Variants in HTR2C observed in about 807,000 individuals in gnomAD.
HTR2C encodes the protein 5-hydroxytryptamine receptor 2C, also known as 5-hydroxytryptamine (serotonin) receptor 2C, G protein-coupled.
HTR2C carries 5 observed loss-of-function variants against 21.0 expected under a neutral mutation model. The observed-to-expected ratio is 0.24, with a 90% confidence interval of 0.12 to 0.50. The LOEUF is 0.50. HTR2C is among the 20% of genes least tolerant of loss of function. HTR2C has a pLI of 0.98. For synonymous variants in HTR2C, 150 were observed against 145.3 expected, an observed-to-expected ratio of 1.03 and a Z score of -0.23; for missense variants, 271 against 371.2, an observed-to-expected ratio of 0.73 and a Z score of 2.22.
intron 4 of HTR2C, among the ~76,000 whole-genome samples, chrX:114,751,886 A>G (rs1232279710): frequency 2.7e-5 from 3 of 111,817 alleles, no homozygotes; most frequent in African/African-American, 9.8e-5. Flanking sequence ...AAATTTCTGG[A>G]AAGATCTGCT....
intron 4 of HTR2C, among the ~76,000 whole-genome samples, chrX:114,735,754 C>T (rs1198865053): frequency 8.9e-6 from 1 of 111,771 alleles, no homozygotes; most frequent in African/African-American, 3.2e-5. Flanking sequence ...AAAATACACA[C>T]GTTCTTAAAC....
At chrX:114,613,584 C>T (rs974904818) in intron 1 of HTR2C, among the ~76,000 whole-genome samples, 1 of 111,784 alleles carries the variant, frequency 8.9e-6, no homozygotes. Flanking sequence ...TTTTACCCAG[C>T]CTCTATTCAC....
intron 4 of HTR2C, among the ~76,000 whole-genome samples, chrX:114,822,097 T>C (rs1182117484): frequency 9.0e-6 from 1 of 110,885 alleles, no homozygotes; most frequent in East Asian, 2.8e-4. Context: ...TCCACCCACT[T>C]TGGCCTCCTA....
chrX:114,874,577 C>T (rs1191067752), intron 5 of HTR2C, among the ~76,000 whole-genome samples: 2 of 110,027 alleles, frequency 1.8e-5, no homozygotes, highest in African/African-American at 6.6e-5. Flanking sequence ...GGCACGATCT[C>T]GGCTCACTGC....
At chrX:114,710,956 T>C (rs1484623857) in intron 2 of HTR2C, among the ~76,000 whole-genome samples, 1 of 111,854 alleles carries the variant, frequency 8.9e-6, no homozygotes, top group Non-Finnish European at 1.9e-5. Flanking sequence ...TCCCAATTTT[T>C]GGCAAGTTAC....
At chrX:114,857,904 G>C (rs2070975954) in intron 5 of HTR2C, among the ~76,000 whole-genome samples, 1 of 111,002 alleles carries the variant, frequency 9.0e-6, no homozygotes, top group South Asian at 3.8e-4. Context: ...GCGAGCTAGA[G>C]ATTGAATTTT....
chrX:114,850,495 A>G (rs2070908384), intron 5 of HTR2C, among the ~76,000 whole-genome samples: 1 of 111,316 alleles, frequency 9.0e-6, no homozygotes, highest in African/African-American at 3.3e-5. Flanking sequence ...AATTTACAGA[A>G]GATTATTATA....
rs782180699 is a variant in HTR2C at position 114,788,671 on chromosome X, A to G, written c.349+57064A>G. On this transcript the variant is annotated intron_variant, in intron 4 of 5. Coordinates refer to ENST00000276198, the MANE Select transcript of HTR2C (RefSeq NM_000868.4). ...AAAGTCAGGGACATTTTTTTCAGAC[A>G]GTATCTTGCTCTGTTGTCCAAGATG... is the stretch of plus-strand genomic sequence containing the variant. Among the ~76,000 whole-genome samples the G allele has an allele frequency of 1.1e-4, 12 of 111,346 alleles. No individual in the cohort carries two copies. In the South Asian group the frequency reaches 1.5e-3, roughly 14 times the overall value.
At chrX:114,772,867 C>A (rs1254583736) in intron 4 of HTR2C, among the ~76,000 whole-genome samples, 1 of 111,550 alleles carries the variant, frequency 9.0e-6, no homozygotes, top group African/African-American at 3.3e-5. Context: ...TTTCACCATT[C>A]TGCATTTTTA....
chrX:114,638,651 A>C (rs1286677743), intron 2 of HTR2C, among the ~76,000 whole-genome samples: 3 of 100,128 alleles, frequency 3.0e-5, no homozygotes, highest in Admixed American at 1.1e-4. Context: ...CATTAGGTAT[A>C]TCTCCCAATG....
At chrX:114,727,234 C>T (rs1302691470) in intron 3 of HTR2C, among the ~76,000 whole-genome samples, 1 of 112,103 alleles carries the variant, frequency 8.9e-6, no homozygotes, top group Non-Finnish European at 1.9e-5. Flanking sequence ...CAAATAATCT[C>T]AATGTTCATG....
chrX:114,856,857 A>C (rs977786232), intron 5 of HTR2C, among the ~76,000 whole-genome samples: 2 of 111,564 alleles, frequency 1.8e-5, no homozygotes, highest in African/African-American at 3.3e-5. Context: ...ATGCCAAGGC[A>C]CCAGCAGTTT....
At chrX:114,829,565 A>G (rs929736992) in intron 4 of HTR2C, among the ~76,000 whole-genome samples, 19 of 111,355 alleles carry the variant, frequency 1.7e-4, no homozygotes, top group Non-Finnish European at 1.7e-4. Context: ...AAGGTCACTA[A>G]GATTTACCCC....
chrX:114,746,714 G>A (rs1309762894), intron 4 of HTR2C, among the ~76,000 whole-genome samples: 6 of 110,837 alleles, frequency 5.4e-5, no homozygotes, highest in Admixed American at 2.9e-4. Flanking sequence ...GGCCGGGCAC[G>A]GTGGCTCCCA....
At chrX:114,715,230 G>A (rs187900057) in intron 2 of HTR2C, 1 of 355,129 alleles carries the variant, frequency 2.8e-6, no homozygotes, top group East Asian at 8.1e-5. Flanking sequence ...AGAGCTGTTG[G>A]AGAGACGAGG....
intron 2 of HTR2C, among the ~76,000 whole-genome samples, chrX:114,686,129 T>C (rs1931905141): frequency 8.9e-6 from 1 of 111,738 alleles, no homozygotes; most frequent in Non-Finnish European, 1.9e-5. Flanking sequence ...CCAGACATGA[T>C]TAAAATGAAT....
intron 2 of HTR2C, among the ~76,000 whole-genome samples, chrX:114,694,522 C>A (rs898587786): frequency 1.7e-5 from 1 of 58,043 alleles, no homozygotes; most frequent in African/African-American, 6.3e-5. Context: ...GAGTCTCATT[C>A]TTTTTGCCCG....
At chrX:114,627,563 A>T (rs187375728) in intron 2 of HTR2C, among the ~76,000 whole-genome samples, 277 of 111,426 alleles carry the variant, frequency 2.5e-3, no homozygotes, top group African/African-American at 8.3e-3. Context: ...AGGTTTATAC[A>T]TGTACAAAGA....
At chrX:114,823,358 C>T in intron 4 of HTR2C, 1 of 332,091 alleles carries the variant, frequency 3.0e-6, no homozygotes, top group Non-Finnish European at 5.9e-6. Flanking sequence ...CCAGAAGAGG[C>T]TTTCATGACA....
Sources: gnomAD v4.1 joint callset for allele counts (sites outside exome capture counted in the v4.1 genomes callset) on GRCh38, gnomAD v4.1.1 for gene constraint, MANE v1.5 for transcripts, NCBI Gene and HGNC (gene_info 2026-07-23, HGNC 2026-07-21) for gene names.